Variants in C12orf75 observed in about 807,000 individuals in gnomAD.
C12orf75 encodes the protein overexpressed in colon carcinoma 1 protein.
C12orf75 carries 4 observed loss-of-function variants against 11.4 expected under a neutral mutation model. The observed-to-expected ratio is 0.35, with a 90% CI of 0.17 to 0.80. The LOEUF is 0.80. Ranked by LOEUF, C12orf75 falls within the 30% of genes least tolerant of loss-of-function variation. The pLI, the probability that C12orf75 is intolerant of heterozygous loss-of-function variation, is 0.52. For missense variants in C12orf75, 89 were observed against 80.4 expected, an observed-to-expected ratio of 1.11 and a Z score of -0.41; for synonymous variants, 30 against 30.0, an observed-to-expected ratio of 1.00 and a Z score of 0.00.
intron 2 of C12orf75, chr12:105,353,628 A>C (rs1239844927): frequency 6.6e-6 from 1 of 151,378 alleles, no homozygotes; most frequent in Non-Finnish European, 1.5e-5. Context: ...AATTGAAAGC[A>C]TTTTTTTTTG....
At chr12:105,362,697 C>T (rs192151303) in intron 2 of C12orf75, among the ~76,000 whole-genome samples, 18 of 151,610 alleles carry the variant, frequency 1.2e-4, no homozygotes, top group Non-Finnish European at 2.4e-4. Context: ...TGGAGAGCTC[C>T]AGCTGCGGGA....
At chr12:105,333,824 A>G (rs527493117) in intron 1 of C12orf75, among the ~76,000 whole-genome samples, 2 of 152,220 alleles carry the variant, frequency 1.3e-5, no homozygotes, top group Admixed American at 6.5e-5. Context: ...ATATTTTTCT[A>G]TAAGAACATG....
intron 5 of C12orf75, among the ~76,000 whole-genome samples, chr12:105,370,303 G>A (rs1871592035): frequency 6.6e-6 from 1 of 152,204 alleles, no homozygotes; most frequent in Admixed American, 6.5e-5. Flanking sequence ...ACCAAGTGGG[G>A]AAGGGATGGA....
chr12:105,355,058 A>G (rs890266178), intron 2 of C12orf75, among the ~76,000 whole-genome samples: 1 of 152,002 alleles, frequency 6.6e-6, no homozygotes, highest in African/African-American at 2.4e-5. Context: ...TACTCCATGG[A>G]GCAGCCATCG....
At chr12:105,362,907 A>G (rs1566142361) in intron 2 of C12orf75, among the ~76,000 whole-genome samples, 1 of 152,242 alleles carries the variant, frequency 6.6e-6, no homozygotes, top group Non-Finnish European at 1.5e-5. Context: ...AACTAATATA[A>G]TAGGATTAGC....
At chr12:105,344,922 A>G (rs970397452) in intron 1 of C12orf75, among the ~76,000 whole-genome samples, 2 of 152,062 alleles carry the variant, frequency 1.3e-5, no homozygotes, top group Non-Finnish European at 2.9e-5. Context: ...TAAAAGCTAA[A>G]AAGATATTAT....
chr12:105,368,477 A>G (rs947351977), intron 5 of C12orf75, among the ~76,000 whole-genome samples: 3 of 152,224 alleles, frequency 2.0e-5, no homozygotes, highest in African/African-American at 4.8e-5. Context: ...AATGGAGCCA[A>G]TACTTAGACT....
intron 2 of C12orf75, among the ~76,000 whole-genome samples, chr12:105,359,798 C>T (rs1046896127): frequency 1.3e-5 from 2 of 149,116 alleles, no homozygotes; most frequent in Non-Finnish European, 3.0e-5. Flanking sequence ...AAAAAGATTA[C>T]GATTATACCA....
chr12:105,359,118 G>T (rs1045228347), intron 2 of C12orf75, among the ~76,000 whole-genome samples: 5 of 152,104 alleles, frequency 3.3e-5, no homozygotes, highest in Non-Finnish European at 7.3e-5. Flanking sequence ...CCCCTGCGTC[G>T]GCACCAACGT....
At chr12:105,352,420 T>C (rs571943292) in intron 2 of C12orf75, among the ~76,000 whole-genome samples, 2 of 152,246 alleles carry the variant, frequency 1.3e-5, no homozygotes, top group East Asian at 1.9e-4. Context: ...GAATATACTG[T>C]ATTAGAAAAA....
intron 1 of C12orf75, among the ~76,000 whole-genome samples, chr12:105,346,428 C>T (rs1056321434): frequency 3.9e-5 from 6 of 152,108 alleles, no homozygotes; most frequent in South Asian, 2.1e-4. Flanking sequence ...TAAAATAAAA[C>T]GTTCATTTTC....
At chr12:105,359,903 A>G (rs926650481) in intron 2 of C12orf75, among the ~76,000 whole-genome samples, 1 of 152,194 alleles carries the variant, frequency 6.6e-6, no homozygotes, top group African/African-American at 2.4e-5. Context: ...GTTTGGACCA[A>G]TTAACTCCCA....
rs1592873847 is a variant in C12orf75, at chr12:105,330,715, C to T, written c.-177C>T. 3 of 499,384 alleles carry T rather than the reference C, an allele frequency of 6.0e-6. No individual in the cohort carries two copies. Among genetic ancestry groups the T allele is most frequent in the Non-Finnish European group, 5.7e-6 (2 of 348,350 alleles). 30.9% of individuals were successfully genotyped at this position (499,384 alleles called of 1,614,324 possible). A position where few individuals can be genotyped will look rare whatever the true frequency, so the allele number is the denominator to read the frequency against. On this transcript the variant is annotated 5_prime_UTR_variant, in exon 1 of 6. Transcript: ENST00000443585. ...TGGTTTCCGCCCGGCAGCCCGCAGCCCGCTGCGCCCCGGGCCGCGTCTCCC... is the reference window on the plus strand; with the variant it reads ...TGGTTTCCGCCCGGCAGCCCGCAGCTCGCTGCGCCCCGGGCCGCGTCTCCC...
At chr12:105,357,983 T>TG (rs1892809917) in intron 2 of C12orf75, among the ~76,000 whole-genome samples, 1 of 152,104 alleles carries the variant, frequency 6.6e-6, no homozygotes, top group African/African-American at 2.4e-5. Flanking sequence ...TAGCTGGGAC[T>TG]ACAGGTGCAA....
At chr12:105,338,770 G>A (rs556375083) in intron 1 of C12orf75, among the ~76,000 whole-genome samples, 1 of 152,214 alleles carries the variant, frequency 6.6e-6, no homozygotes, top group African/African-American at 2.4e-5. Context: ...TGACCAGCCA[G>A]CTCTCATGGA....
chr12:105,365,775 G>C, intron 2 of C12orf75, 32 bp from the exon 3 acceptor site: 2 of 1,495,246 alleles, frequency 1.3e-6, no homozygotes, highest in Non-Finnish European at 1.8e-6. Flanking sequence ...ATGTAACCAA[G>C]TGTCTCATAG....
intron 2 of C12orf75, among the ~76,000 whole-genome samples, chr12:105,352,230 C>T (rs896768049): frequency 5.3e-4 from 80 of 152,162 alleles, no homozygotes; most frequent in African/African-American, 1.8e-3. Flanking sequence ...GTCATGATGG[C>T]CACATTGGTC....
chr12:105,343,662 A>G lies in C12orf75; in HGVS notation c.47-4940A>G, dbSNP rs150807605. Among the ~76,000 whole-genome samples, 4 of 151,832 alleles carry G rather than the reference A, an allele frequency of 2.6e-5. No individual in the cohort carries two copies. The East Asian group carries it at 7.7e-4, about 29-fold the overall frequency. ...CAGGACAAATAAACTTATGCTTTGC[A>G]TTTTATGTACCTAGGTACTCTGATA... On this transcript the variant is annotated intron_variant, in intron 1 of 5. Coordinates refer to ENST00000443585, the MANE Select transcript of C12orf75 (RefSeq NM_001145199.2).
rs750536136 is a variant in C12orf75 at position 105,366,644 on chromosome 12, A to G, written c.135A>G (p.Leu45=). Residue 45 remains leucine (L), a synonymous_variant, in exon 4 of 6, where the codon CTA becomes CTG. Transcript: ENST00000443585. ...ACTATGGAGGAGTATATGTTGGCCT[A>G]CCATCTGAAGCTGTCAATATGGTGT... The part of the protein sequence containing the change: ...RRNYGGVYVG[L]PSEAVNMVSS... 1.2e-5 allele frequency: 18 copies of G among 1,542,608 alleles called. No individual in the cohort carries two copies. Among genetic ancestry groups the G allele is most frequent in the Middle Eastern group, 1.7e-4 (1 of 5,998 alleles).
Sources: allele counts gnomAD v4.1 joint callset (sites outside exome capture counted in the v4.1 genomes callset), GRCh38; gene constraint gnomAD v4.1.1; transcripts MANE v1.5; gene names NCBI Gene and HGNC (gene_info 2026-07-23, HGNC 2026-07-21).